Variants in MCCC1 observed in about 807,000 individuals in gnomAD.
MCCC1 encodes the protein methylcrotonoyl-CoA carboxylase subunit alpha, mitochondrial.
A neutral mutation model predicts 83.8 loss-of-function variants in MCCC1; 64 were observed. The observed-to-expected ratio is 0.76, with a 90% confidence interval of 0.62 to 0.94. The LOEUF is 0.94. Ranked by LOEUF, MCCC1 falls within the 40% of genes least tolerant of loss-of-function variation. The pLI, the probability that MCCC1 is intolerant of heterozygous loss-of-function variation, is 0.00. For synonymous variants in MCCC1, 322 were observed against 315.4 expected (o/e 1.02, Z -0.22); for missense variants, 807 against 904.7 (o/e 0.89, Z 1.39).
At chr3:183,049,127 T>C (rs985298064) in intron 9 of MCCC1, among the ~76,000 whole-genome samples, 22 of 152,304 alleles carry the variant, frequency 1.4e-4, no homozygotes, top group African/African-American at 5.3e-4. Context: ...ATTGAATGTA[T>C]ATATTAGAAA....
chr3:183,051,888 A>G (rs147248260), intron 9 of MCCC1, among the ~76,000 whole-genome samples: 30 of 152,340 alleles, frequency 2.0e-4, no homozygotes, highest in African/African-American at 5.8e-4. Context: ...AAAAAAATCA[A>G]TCTAGTGATT....
intron 7 of MCCC1, among the ~76,000 whole-genome samples, chr3:183,062,610 C>T (rs1249523389): frequency 6.6e-6 from 1 of 152,182 alleles, no homozygotes; most frequent in Non-Finnish European, 1.5e-5. Context: ...CCGCCATGGC[C>T]TCCCAAAGTG....
At chr3:183,034,801 C>T (rs1450717778) in intron 13 of MCCC1, among the ~76,000 whole-genome samples, 13 of 144,268 alleles carry the variant, frequency 9.0e-5, no homozygotes, top group Non-Finnish European at 1.4e-4. Context: ...TTTTTTGAGA[C>T]GAGTCTCGTT....
rs1207428301 is a variant in MCCC1 at position 183,094,602 on chromosome 3, T to C, written c.93A>G (p.Thr31=). 1 of 1,613,882 alleles carries C rather than the reference T, an allele frequency of 6.2e-7. No individual in the cohort carries two copies. The highest frequency in any genetic ancestry group is 1.7e-5 in the Admixed American group (1 of 60,024). The change falls in exon 2 of 19, where the codon ACA becomes ACG. Residue 31 remains threonine, a synonymous_variant. Transcript: ENST00000265594. The part of the protein sequence containing the change: ...RLPSLLLPPR[T]WVWRQRTMKY... Reference sequence around the variant, plus strand: ...TCATGGTTCTTTGCCTCCACACCCATGTCCTATAACATAAATCCAAAAGGA... The same window carrying C: ...TCATGGTTCTTTGCCTCCACACCCACGTCCTATAACATAAATCCAAAAGGA...
At chr3:183,048,158 A>G (rs1714693330) in intron 9 of MCCC1, among the ~76,000 whole-genome samples, 1 of 152,216 alleles carries the variant, frequency 6.6e-6, no homozygotes. Flanking sequence ...AAGGAGAGGA[A>G]ATTGGATCAT....
At chr3:183,080,063 TG>T (rs1717375836) in intron 4 of MCCC1, among the ~76,000 whole-genome samples, 1 of 152,214 alleles carries the variant, frequency 6.6e-6, no homozygotes, top group Non-Finnish European at 1.5e-5. Context: ...CCTCCGGGCC[TG>T]TGATGGGAGG....
At chr3:183,088,215 T>G (rs1490500987) in intron 3 of MCCC1, among the ~76,000 whole-genome samples, 11 of 150,900 alleles carry the variant, frequency 7.3e-5, no homozygotes, top group Non-Finnish European at 1.5e-4. Flanking sequence ...TGTGTGTTTT[T>G]TTTTTTTTTT....
At chr3:183,086,653 C>T (rs370430638) in intron 4 of MCCC1, 40 bp downstream of exon 4, 70 of 1,572,000 alleles carry the variant, frequency 4.5e-5, no homozygotes, top group East Asian at 6.7e-5. Context: ...TTGCACAAAA[C>T]GTATTCCTTT....
intron 13 of MCCC1, among the ~76,000 whole-genome samples, chr3:183,035,300 T>A (rs939376018): frequency 1.3e-5 from 2 of 152,204 alleles, no homozygotes; most frequent in Non-Finnish European, 2.9e-5. Context: ...TGTAAAAGGA[T>A]AAAATGAGGA....
At chr3:183,081,674 G>A (rs1258178432) in intron 4 of MCCC1, among the ~76,000 whole-genome samples, 4 of 152,230 alleles carry the variant, frequency 2.6e-5, no homozygotes, top group Admixed American at 6.5e-5. Flanking sequence ...TAGGGCACAG[G>A]CACATACTGC....
At chr3:183,094,477 T>C (rs959230067) in intron 2 of MCCC1, 82 bp downstream of exon 2, 4 of 1,296,498 alleles carry the variant, frequency 3.1e-6, no homozygotes, top group East Asian at 2.3e-5. Context: ...ATTATGCATA[T>C]ATTAAGGGAT....
chr3:183,060,278 T>C (rs931688332), intron 7 of MCCC1, among the ~76,000 whole-genome samples: 1 of 152,252 alleles, frequency 6.6e-6, no homozygotes, highest in Non-Finnish European at 1.5e-5. Context: ...TGTCCCATCA[T>C]AGTTGTACGA....
At chr3:183,105,164 G>A (rs1719385032) in intron 1 of MCCC1, among the ~76,000 whole-genome samples, 1 of 152,148 alleles carries the variant, frequency 6.6e-6, no homozygotes, top group Non-Finnish European at 1.5e-5. Context: ...GACCAACATG[G>A]AGAAACCCCA....
chr3:183,092,164 G>A (rs1010313218), intron 3 of MCCC1, among the ~76,000 whole-genome samples: 7 of 152,136 alleles, frequency 4.6e-5, no homozygotes, highest in East Asian at 1.9e-4. Flanking sequence ...TCTGTGAACC[G>A]TTTTAACCAA....
chr3:183,033,873 A>G (rs1221399134), intron 14 of MCCC1, 118 bp downstream of exon 14: 16 of 732,844 alleles, frequency 2.2e-5, no homozygotes, highest in Non-Finnish European at 2.8e-5. Flanking sequence ...TCCAATGTTT[A>G]GCCTAGGCAT....
intron 7 of MCCC1, among the ~76,000 whole-genome samples, chr3:183,060,232 TTTG>T (rs550963417): frequency 2.0e-5 from 3 of 152,330 alleles, no homozygotes; most frequent in East Asian, 1.9e-4. Context: ...ATCACTGATT[TTTG>T]TTGTTGTTGT....
intron 1 of MCCC1, among the ~76,000 whole-genome samples, chr3:183,105,451 A>G (rs185707359): frequency 6.9e-4 from 105 of 152,376 alleles, no homozygotes; most frequent in Non-Finnish European, 1.2e-3. Flanking sequence ...TGAGTGAAAA[A>G]AGCAAAATAA....
intron 9 of MCCC1, among the ~76,000 whole-genome samples, chr3:183,051,745 G>A (rs1714995708): frequency 6.8e-6 from 1 of 148,058 alleles, no homozygotes; most frequent in African/African-American, 2.5e-5. Context: ...TATTGATACT[G>A]TGGGAGCTTG....
At chr3:183,066,468 C>T (rs1482994692) in intron 7 of MCCC1, among the ~76,000 whole-genome samples, 2 of 152,080 alleles carry the variant, frequency 1.3e-5, no homozygotes, top group African/African-American at 4.8e-5. Flanking sequence ...CCATGCCTGG[C>T]TAATTTTTGT....
Sources: gnomAD v4.1 joint callset for allele counts (sites outside exome capture counted in the v4.1 genomes callset) on GRCh38, gnomAD v4.1.1 for gene constraint, MANE v1.5 for transcripts, NCBI Gene and HGNC (gene_info 2026-07-23, HGNC 2026-07-21) for gene names.